SDC2: variants seen among roughly 807,000 people sequenced by gnomAD.
The protein encoded by SDC2 is syndecan 2.
Under a neutral mutation model 22.2 loss-of-function variants are expected in SDC2, and 13 were observed. The ratio of observed to expected loss-of-function variants is 0.59; its 90% CI spans 0.38 to 0.93. The LOEUF (loss-of-function observed/expected upper bound fraction) is 0.93, where lower values mean the gene tolerates loss of function less well. Ranked by LOEUF, SDC2 falls within the 40% of genes least tolerant of loss-of-function variation. SDC2 has a pLI of 0.00. For missense variants in SDC2, 235 were observed against 246.8 expected, an observed-to-expected ratio of 0.95 and a Z score of 0.32; for synonymous variants, 94 against 92.8, an observed-to-expected ratio of 1.01 and a Z score of -0.07.
chr8:96,537,596 T>C (rs1813774263), intron 1 of SDC2, among the ~76,000 whole-genome samples: 1 of 152,210 alleles, frequency 6.6e-6, no homozygotes, highest in South Asian at 2.1e-4. Context: ...AATCAATGAC[T>C]AGGTGTTCAG....
intron 1 of SDC2, among the ~76,000 whole-genome samples, chr8:96,497,616 C>T (rs1032276860): frequency 3.3e-5 from 5 of 152,172 alleles, no homozygotes; most frequent in Non-Finnish European, 5.9e-5. Context: ...GTTTTCAAGT[C>T]TCCAAAAGCC....
At chr8:96,518,624 T>G (rs1012769488) in intron 1 of SDC2, among the ~76,000 whole-genome samples, 1 of 152,172 alleles carries the variant, frequency 6.6e-6, no homozygotes, top group Non-Finnish European at 1.5e-5. Context: ...CCCAAAGTGG[T>G]GGGATTACAG....
chr8:96,515,743 TTG>T (rs1434349613), intron 1 of SDC2, among the ~76,000 whole-genome samples: 4 of 152,192 alleles, frequency 2.6e-5, no homozygotes. Flanking sequence ...GCCACGGGTA[TTG>T]TATTCTGAGG....
At chr8:96,495,737 T>A (rs986260543) in intron 1 of SDC2, among the ~76,000 whole-genome samples, 1 of 152,104 alleles carries the variant, frequency 6.6e-6, no homozygotes, top group African/African-American at 2.4e-5. Flanking sequence ...GAGCGGCAGA[T>A]GGACATTTTT....
At chr8:96,604,075 T>C (rs1288464732) in intron 3 of SDC2, among the ~76,000 whole-genome samples, 1 of 152,220 alleles carries the variant, frequency 6.6e-6, no homozygotes, top group Non-Finnish European at 1.5e-5. Context: ...CATTTTTATT[T>C]GACCACTTCT....
intron 1 of SDC2, among the ~76,000 whole-genome samples, chr8:96,569,106 C>A (rs923435181): frequency 7.2e-5 from 11 of 152,176 alleles, no homozygotes; most frequent in Non-Finnish European, 1.3e-4. Flanking sequence ...AACTCCTAGG[C>A]TCAAGTGATC....
chr8:96,548,261 T>C lies in SDC2; in HGVS notation c.61-45219T>C, dbSNP rs549701827. Among the ~76,000 whole-genome samples the C allele has an allele frequency of 4.7e-3, 715 of 152,324 alleles. 4 individuals carry two copies. The highest frequency in any genetic ancestry group is 0.015 in the African/African-American group (623 of 41,564). ...ATCAAAATGAAAAACAGGATGGTTT[T>C]CCCAGCCTCTCTGTACAATTTTGAT... On this transcript the variant is annotated intron_variant, in intron 1 of 4. Transcript: ENST00000302190.
chr8:96,497,808 A>C (rs981637737), intron 1 of SDC2, among the ~76,000 whole-genome samples: 1 of 152,242 alleles, frequency 6.6e-6, no homozygotes, highest in African/African-American at 2.4e-5. Context: ...CCTGTGAGGA[A>C]TGCCATCTGG....
Position 96,608,435 on chromosome 8 carries a change from C to CAAA in SDC2, c.408_409insAAA (p.Ser136_Asp137insLys). 2 of 1,613,532 alleles carry CAAA rather than the reference C, an allele frequency of 1.2e-6. No homozygotes were observed. Among genetic ancestry groups the CAAA allele is most frequent in the Non-Finnish European group, 8.5e-7 (1 of 1,179,742 alleles). ...ACAAATGTGTATACTGAGAAACACT[C>CAAA]AGACAGTCTGTTTAAACGGACAGAA... On this transcript the variant is annotated inframe_insertion, in exon 4 of 5. Transcript: ENST00000302190.
intron 1 of SDC2, among the ~76,000 whole-genome samples, chr8:96,574,381 A>G (rs1047444541): frequency 2.6e-5 from 4 of 152,164 alleles, no homozygotes; most frequent in African/African-American, 9.7e-5. Flanking sequence ...AAAAAAGCCT[A>G]CCTGTGGTTG....
intron 1 of SDC2, among the ~76,000 whole-genome samples, chr8:96,514,978 G>A (rs956419340): frequency 4.6e-5 from 7 of 152,082 alleles, no homozygotes; most frequent in African/African-American, 9.7e-5. Flanking sequence ...CTGTGCTAGC[G>A]CTCACTTCCA....
In SDC2 at chr8:96,611,027, A is replaced by G. The variant is rs191170843; in HGVS notation, c.*1479A>G. 8.5e-5 allele frequency: 13 copies of G among 152,796 alleles called. No individual in the cohort carries two copies. The highest frequency in any genetic ancestry group is 2.9e-4 in the African/African-American group (12 of 41,598). The allele number at this position is 152,796 out of a possible 1,614,324, so 9.5% of individuals were successfully genotyped here. A position where few individuals can be genotyped will look rare whatever the true frequency, so the allele number is the denominator to read the frequency against. On this transcript the variant is annotated 3_prime_UTR_variant, in exon 5 of 5. Coordinates refer to ENST00000302190, the MANE Select transcript of SDC2 (RefSeq NM_002998.4). ...ATGTTGGTATCTAAGGCTTAGGCCT[A>G]TAGATTGATTTACCTTTGGAATTGT...
intron 1 of SDC2, among the ~76,000 whole-genome samples, chr8:96,545,482 A>G (rs1303204819): frequency 6.6e-6 from 1 of 152,208 alleles, no homozygotes; most frequent in Admixed American, 6.5e-5. Context: ...GCCTTTCAAA[A>G]TGAGTAAGGT....
intron 2 of SDC2, among the ~76,000 whole-genome samples, chr8:96,600,763 G>C (rs1003073375): frequency 6.6e-6 from 1 of 152,214 alleles, no homozygotes; most frequent in Non-Finnish European, 1.5e-5. Context: ...AGGAGGAGAA[G>C]ACAAAGGGAC....
At position 96,586,984 on chromosome 8, in the gene SDC2, G is replaced by A. The variant is rs530099108; in HGVS notation, c.61-6496G>A. On this transcript the variant is annotated intron_variant, in intron 1 of 4. Coordinates refer to ENST00000302190, the MANE Select transcript of SDC2 (RefSeq NM_002998.4). ...GTCACCTAGGCTGGAGTGCTGTGGC[G>A]CAATCTCGGCTCACTGCAACCTCCG... 5.3e-5 allele frequency among the ~76,000 whole-genome samples: 8 copies of A among 152,050 alleles called. No homozygotes were observed. In the South Asian group the frequency reaches 6.2e-4, roughly 12 times the overall value.
intron 1 of SDC2, among the ~76,000 whole-genome samples, chr8:96,559,846 A>G (rs1468782040): frequency 2.6e-5 from 4 of 152,164 alleles, no homozygotes; most frequent in South Asian, 2.1e-4. Flanking sequence ...TGTGAAATGA[A>G]TTGTCTGTTT....
In SDC2 at chr8:96,527,256, C is replaced by A. The variant is rs531534902; in HGVS notation, c.60+32925C>A. ...TGCCTTGGGACTGTTTGAATGCACC[C>A]TATTTTGCTATAGGGGAAACACTGC... On this transcript the variant is annotated intron_variant, in intron 1 of 4. Coordinates refer to ENST00000302190, the MANE Select transcript of SDC2 (RefSeq NM_002998.4). Among the ~76,000 whole-genome samples, 51 of 152,208 alleles carry A rather than the reference C, an allele frequency of 3.4e-4. No individual in the cohort carries two copies. In the South Asian group the frequency reaches 0.011, roughly 32 times the overall value.
chr8:96,604,572 C>T (rs1217145157), intron 3 of SDC2, among the ~76,000 whole-genome samples: 3 of 152,130 alleles, frequency 2.0e-5, no homozygotes, highest in Non-Finnish European at 2.9e-5. Context: ...AACATTGCCT[C>T]TAGGATACCA....
rs765112255 is a variant in SDC2, at chr8:96,547,328, G to A, written c.61-46152G>A. Among the ~76,000 whole-genome samples, 10 of 152,300 alleles carry A rather than the reference G, an allele frequency of 6.6e-5. 1 individual carries two copies. The East Asian group carries it at 1.3e-3, about 21-fold the overall frequency. ...GTTCATTAGCTTACACTATAAAAGA[G>A]TTCTACAGCTCCACTTACAGTGTGA... is the stretch of plus-strand genomic sequence containing the variant. On this transcript the variant is annotated intron_variant, in intron 1 of 4. Transcript: ENST00000302190.
Sources: allele counts gnomAD v4.1 joint callset (sites outside exome capture counted in the v4.1 genomes callset), GRCh38; gene constraint gnomAD v4.1.1; transcripts MANE v1.5; gene names NCBI Gene and HGNC (gene_info 2026-07-23, HGNC 2026-07-21).